TMPRSS4: variants seen among roughly 807,000 people sequenced by gnomAD.
The protein encoded by TMPRSS4 is transmembrane protease serine 4.
In TMPRSS4, 45 loss-of-function variants were observed where a neutral mutation model predicts 56.4. The ratio of observed to expected loss-of-function variants is 0.80; its 90% CI spans 0.63 to 1.02. The LOEUF (loss-of-function observed/expected upper bound fraction) is 1.02. TMPRSS4 is among the 50% of genes least tolerant of loss of function. The pLI is 0.00. For synonymous variants in TMPRSS4, 205 were observed against 211.0 expected (o/e 0.97, Z 0.25); for missense variants, 546 against 556.7 (o/e 0.98, Z 0.19).
In TMPRSS4 at chr11:118,109,818, TA is replaced by T. The variant is rs1947184696; in HGVS notation, c.583+923del. Among the ~76,000 whole-genome samples the T allele has an allele frequency of 5.9e-5, 9 of 152,298 alleles. No individual in the cohort carries two copies. The South Asian group carries it at 1.9e-3, about 32-fold the overall frequency. On this transcript the variant is annotated intron_variant, in intron 7 of 12. Transcript: ENST00000437212. ...GCAGGATGTTGAGAGTTTCATTCAT[TA>T]TCGTATGCCCCCTACCCCGGCCCCA...
intron 2 of TMPRSS4, among the ~76,000 whole-genome samples, chr11:118,097,417 G>T (rs980564407): frequency 5.9e-5 from 9 of 152,156 alleles, no homozygotes; most frequent in Admixed American, 2.0e-4. Context: ...AGAAAGACTG[G>T]GAGGAGGACA....
At chr11:118,090,314 G>T (rs1945851285) in intron 1 of TMPRSS4, among the ~76,000 whole-genome samples, 1 of 151,964 alleles carries the variant, frequency 6.6e-6, no homozygotes, top group Admixed American at 6.5e-5. Flanking sequence ...TACTCATTAT[G>T]TACTGTGCAT....
chr11:118,097,567 T>A (rs571970752), intron 2 of TMPRSS4, among the ~76,000 whole-genome samples: 1 of 152,300 alleles, frequency 6.6e-6, no homozygotes, highest in East Asian at 1.9e-4. Flanking sequence ...AGTGGGGGAC[T>A]TAAAAGAATG....
Position 118,121,691 on chromosome 11 carries a change from TTTTG to T in TMPRSS4, c.*3779_*3782del, listed in dbSNP as rs1186709247. ...AATATTTATTTTGTGGGTTAATTTTTTTTGAAACAGATATTGAATTTATTGGTTG... is the reference window on the plus strand; with the variant it reads ...AATATTTATTTTGTGGGTTAATTTTTAAACAGATATTGAATTTATTGGTTG... On this transcript the variant is annotated 3_prime_UTR_variant, in exon 13 of 13. Coordinates refer to ENST00000437212, the MANE Select transcript of TMPRSS4 (RefSeq NM_019894.4). The T allele has an allele frequency of 6.6e-6, 1 of 152,186 alleles. No individual in the cohort carries two copies. The highest frequency in any genetic ancestry group is 1.5e-5 in the Non-Finnish European group (1 of 68,048). 9.4% of individuals were successfully genotyped at this position (152,186 alleles called of 1,614,324 possible).
rs754690476 is a variant in TMPRSS4 at position 118,103,131 on chromosome 11, T to C, written c.188T>C (p.Leu63Pro). ...GTGATTCTGGATAAATACTACTTCC[T>C]CTGCGGGCAGCCTCTCCACTTCATC... ...IKVILDKYYF[L>P]CGQPLHFIPR... is the part of the protein sequence containing the mutation. Residue 63 changes from leucine (L) to proline (P), a missense_variant, in exon 4 of 13, where the codon CTC (leucine) becomes CCC (proline). Transcript: ENST00000437212. 1 of 1,614,208 alleles carries C rather than the reference T, an allele frequency of 6.2e-7. No homozygotes were observed. Among genetic ancestry groups the C allele is most frequent in the South Asian group, 1.1e-5 (1 of 91,080 alleles).
rs775065165 is a variant in TMPRSS4 at position 118,114,874 on chromosome 11, C to A, written c.956C>A (p.Thr319Asn). ...ICLPFFDEELTPATPLWIIGW... is the reference protein window; with the variant it reads ...ICLPFFDEELNPATPLWIIGW... ...CTGCCCTTCTTTGATGAGGAGCTCA[C>A]TCCAGCCACCCCACTCTGGATCATT... The change falls in exon 10 of 13, where the codon ACT becomes AAT. Residue 319 changes from threonine to asparagine, a missense_variant. Coordinates refer to ENST00000437212, the MANE Select transcript of TMPRSS4 (RefSeq NM_019894.4). 23 of 1,609,306 alleles carry A rather than the reference C, an allele frequency of 1.4e-5. No individual in the cohort carries two copies. Among genetic ancestry groups the A allele is most frequent in the Admixed American group, 5.0e-5 (3 of 59,462 alleles).
chr11:118,112,371 C>A (rs1178975311), intron 8 of TMPRSS4, among the ~76,000 whole-genome samples: 5 of 148,828 alleles, frequency 3.4e-5, no homozygotes, highest in Non-Finnish European at 5.9e-5. Flanking sequence ...ACTCCCAGAC[C>A]CCCTTCACTT....
chr11:118,118,711 A>G lies in TMPRSS4; in HGVS notation c.*798A>G, dbSNP rs769758872. On this transcript the variant is annotated 3_prime_UTR_variant, in exon 13 of 13. Coordinates refer to ENST00000437212, the MANE Select transcript of TMPRSS4 (RefSeq NM_019894.4). ...CTTTCCCTCCCTCCCTGCCTGTGAT[A>G]ATCAGCCAGGAGCCAGGGATAACCT... is the stretch of plus-strand genomic sequence containing the variant. 2.8e-4 allele frequency: 260 copies of G among 940,494 alleles called. No individual in the cohort carries two copies. Among genetic ancestry groups the G allele is most frequent in the Non-Finnish European group, 3.1e-4 (252 of 806,638 alleles). The allele number at this position is 940,494 out of a possible 1,614,324, so 58.3% of individuals were successfully genotyped here. A position where few individuals can be genotyped will look rare whatever the true frequency, so the allele number is the denominator to read the frequency against.
chr11:118,089,411 C>T (rs528029096), intron 1 of TMPRSS4, among the ~76,000 whole-genome samples: 1 of 152,170 alleles, frequency 6.6e-6, no homozygotes, highest in South Asian at 2.1e-4. Context: ...TTATGTTTTC[C>T]TTGAGCCTTG....
At chr11:118,083,515 C>G (rs1945317023) in intron 1 of TMPRSS4, among the ~76,000 whole-genome samples, 1 of 152,166 alleles carries the variant, frequency 6.6e-6, no homozygotes, top group Non-Finnish European at 1.5e-5. Context: ...ACATACATGA[C>G]AGGCCCTCTA....
chr11:118,107,950 C>G (rs549169635), intron 6 of TMPRSS4, 75 bp downstream of exon 6: 1 of 1,245,676 alleles, frequency 8.0e-7, no homozygotes, highest in African/African-American at 1.5e-5. Flanking sequence ...AACCAGCTCA[C>G]CTGGAACCCC....
chr11:118,112,584 G>A (rs1947332068), intron 8 of TMPRSS4, among the ~76,000 whole-genome samples: 1 of 151,542 alleles, frequency 6.6e-6, no homozygotes, highest in Non-Finnish European at 1.5e-5. Context: ...GTAGAGACAG[G>A]GTTTCACCAT....
chr11:118,115,780 GC>G (rs1443019780), intron 11 of TMPRSS4, among the ~76,000 whole-genome samples: 1 of 152,102 alleles, frequency 6.6e-6, no homozygotes, highest in Non-Finnish European at 1.5e-5. Context: ...CTGAGATTGC[GC>G]CACTGCACTC....
At position 118,113,262 on chromosome 11, in the gene TMPRSS4, C is replaced by A. The variant is rs1273444234; in HGVS notation, c.744-7C>A. The A allele has an allele frequency of 1.2e-6, 2 of 1,612,970 alleles. No individual in the cohort carries two copies. The highest frequency in any genetic ancestry group is 2.2e-5 in the South Asian group (2 of 90,910). ...TCAGGCCTGAACCCAGCTGTCTCTA[C>A]CCCCAGGAAACATACCGATGTGTTC... is the stretch of plus-strand genomic sequence containing the variant. On this transcript the variant is annotated splice_region_variant and splice_polypyrimidine_tract_variant and intron_variant, in intron 8 of 12. Coordinates refer to ENST00000437212, the MANE Select transcript of TMPRSS4 (RefSeq NM_019894.4).
intron 11 of TMPRSS4, chr11:118,115,601 T>TCAC: frequency 4.1e-6 from 1 of 243,650 alleles, no homozygotes; most frequent in Non-Finnish European, 8.2e-6. Flanking sequence ...GGGCAGGTGA[T>TCAC]TTGAGGTCAG....
rs991365770 is a variant in TMPRSS4, at chr11:118,115,824, AAAC to A, written c.1152+559_1152+561del. ...GGTGACCCAGCAAGACTCCATCTGAAAACAACAACAACAACAAAGATGACATTA... is the reference window on the plus strand; with the variant it reads ...GGTGACCCAGCAAGACTCCATCTGAAAACAACAACAACAAAGATGACATTA... On this transcript the variant is annotated intron_variant, in intron 11 of 12. Coordinates refer to ENST00000437212, the MANE Select transcript of TMPRSS4 (RefSeq NM_019894.4). Among the ~76,000 whole-genome samples, 73 of 152,186 alleles carry A rather than the reference AAAC, an allele frequency of 4.8e-4. No homozygotes were observed. The Middle Eastern group carries it at 0.01, about 21-fold the overall frequency.
chr11:118,118,335 A>G lies in TMPRSS4; in HGVS notation c.*422A>G. 9.5e-7 allele frequency: 1 copy of G among 1,047,496 alleles called. No individual in the cohort carries two copies. Among genetic ancestry groups the G allele is most frequent in the South Asian group, 4.1e-5 (1 of 24,242 alleles). The allele number at this position is 1,047,496 out of a possible 1,614,324, so 64.9% of individuals were successfully genotyped here. A position where few individuals can be genotyped will look rare whatever the true frequency, so the allele number is the denominator to read the frequency against. On this transcript the variant is annotated 3_prime_UTR_variant, in exon 13 of 13. Transcript: ENST00000437212. ...CACCCATCCCCAAGCCTACTAGAGCAAGAAACCAGTTGTAATATAAAATGC... is the reference window on the plus strand; with the variant it reads ...CACCCATCCCCAAGCCTACTAGAGCGAGAAACCAGTTGTAATATAAAATGC...
downstream of TMPRSS4, among the ~76,000 whole-genome samples, chr11:118,123,821 G>A (rs1380115368): frequency 6.6e-6 from 1 of 152,074 alleles, no homozygotes; most frequent in Non-Finnish European, 1.5e-5. Flanking sequence ...ACCGTGCCCG[G>A]CCAATTACTG....
At chr11:118,094,648 G>A (rs563298102) in intron 1 of TMPRSS4, among the ~76,000 whole-genome samples, 168 bp from the exon 2 acceptor site, 2 of 152,130 alleles carry the variant, frequency 1.3e-5, no homozygotes, top group Non-Finnish European at 2.9e-5. Flanking sequence ...GATCAAACAG[G>A]TGCATGACTG....
Sources: gnomAD v4.1 joint callset for allele counts (sites outside exome capture counted in the v4.1 genomes callset) on GRCh38, gnomAD v4.1.1 for gene constraint, MANE v1.5 for transcripts, NCBI Gene and HGNC (gene_info 2026-07-23, HGNC 2026-07-21) for gene names.